JMY: variants seen among roughly 807,000 people sequenced by gnomAD.
The protein encoded by JMY is junction-mediating and -regulatory protein.
A neutral mutation model predicts 103.3 loss-of-function variants in JMY; 46 were observed. That is an observed-to-expected ratio of 0.45 (90% CI 0.35 to 0.57). The LOEUF (loss-of-function observed/expected upper bound fraction) is 0.57, where lower values mean the gene tolerates loss of function less well. Among genes scored for constraint, JMY ranks in the 20% least tolerant of loss-of-function variants. JMY has a pLI of 0.00. For missense variants in JMY, 1,238 were observed against 1,255.2 expected (o/e 0.99, Z 0.21); for synonymous variants, 526 against 489.3 (o/e 1.07, Z -0.99).
intron 4 of JMY, among the ~76,000 whole-genome samples, chr5:79,296,493 T>A (rs894339037): frequency 1.3e-5 from 2 of 152,030 alleles, no homozygotes; most frequent in African/African-American, 4.8e-5. Flanking sequence ...TATGACCCTT[T>A]AAAAAAAAGA....
intron 1 of JMY, among the ~76,000 whole-genome samples, chr5:79,257,386 T>C (rs1156643809): frequency 1.3e-5 from 2 of 152,150 alleles, no homozygotes; most frequent in Non-Finnish European, 2.9e-5. Context: ...GCGGATTGCT[T>C]GAGTCCAAGA....
chr5:79,293,326 GA>G (rs1746476083), intron 4 of JMY, among the ~76,000 whole-genome samples: 1 of 151,824 alleles, frequency 6.6e-6, no homozygotes, highest in Non-Finnish European at 1.5e-5. Context: ...TGTTTGACTT[GA>G]AAGAATTAAC....
At chr5:79,310,034 G>T (rs1746999078) in intron 7 of JMY, among the ~76,000 whole-genome samples, 2 of 135,522 alleles carry the variant, frequency 1.5e-5, no homozygotes, top group South Asian at 2.6e-4. Context: ...GTAAAAATTA[G>T]TAAATCGATT....
intron 1 of JMY, among the ~76,000 whole-genome samples, chr5:79,259,963 TC>T (rs2112064355): frequency 6.6e-6 from 1 of 152,278 alleles, no homozygotes; most frequent in Admixed American, 6.5e-5. Flanking sequence ...CATATGCACA[TC>T]CTGGGCCCAC....
At chr5:79,259,823 G>A (rs1210989331) in intron 1 of JMY, among the ~76,000 whole-genome samples, 1 of 152,244 alleles carries the variant, frequency 6.6e-6, no homozygotes, top group Non-Finnish European at 1.5e-5. Flanking sequence ...GGGGCAAGGT[G>A]GGGCCTTCCC....
chr5:79,268,512 G>A (rs189553653), intron 1 of JMY, among the ~76,000 whole-genome samples: 1 of 151,694 alleles, frequency 6.6e-6, no homozygotes, highest in Non-Finnish European at 1.5e-5. Context: ...TCTTGAGATG[G>A]CGTCTCGCTC....
intron 3 of JMY, among the ~76,000 whole-genome samples, chr5:79,290,848 T>C (rs1349724731): frequency 1.3e-5 from 2 of 152,034 alleles, no homozygotes; most frequent in African/African-American, 4.8e-5. Context: ...TAGCCGGGCA[T>C]GGTGGTGGGT....
intron 9 of JMY, among the ~76,000 whole-genome samples, chr5:79,315,630 A>G (rs1017174649): frequency 6.6e-6 from 1 of 152,240 alleles, no homozygotes; most frequent in African/African-American, 2.4e-5. Context: ...TTAATTTTTA[A>G]AAACAAAATG....
intron 4 of JMY, among the ~76,000 whole-genome samples, chr5:79,291,839 C>T (rs1162965681): frequency 6.6e-6 from 1 of 152,206 alleles, no homozygotes; most frequent in Non-Finnish European, 1.5e-5. Flanking sequence ...GGGCTGCCCT[C>T]ATTGGCTTGA....
At chr5:79,282,775 T>C (rs546830213) in intron 2 of JMY, among the ~76,000 whole-genome samples, 1 of 152,288 alleles carries the variant, frequency 6.6e-6, no homozygotes, top group African/African-American at 2.4e-5. Flanking sequence ...CCATTGATGG[T>C]TGCCAGAAAG....
intron 2 of JMY, among the ~76,000 whole-genome samples, chr5:79,280,963 A>G (rs913363729): frequency 2.0e-5 from 3 of 151,316 alleles, no homozygotes; most frequent in Non-Finnish European, 4.4e-5. Flanking sequence ...AGTATAATTG[A>G]TTAGCAAAGT....
chr5:79,315,965 C>G, intron 9 of JMY, 35 bp from the exon 10 acceptor site: 1 of 1,582,464 alleles, frequency 6.3e-7, no homozygotes, highest in Non-Finnish European at 8.6e-7. Context: ...AAGTGCAGTC[C>G]TAACTGTAAT....
In JMY at chr5:79,238,192, A is replaced by C. The variant is rs1160033629; in HGVS notation, c.1032+510A>C. On this transcript the variant is annotated intron_variant, in intron 1 of 10. Coordinates refer to ENST00000396137, the MANE Select transcript of JMY (RefSeq NM_152405.5). ...AAACGAGTGACCTAAGTGAAAAAGC[A>C]CCTAGTGACTATCGGATGCAAATTT... Among the ~76,000 whole-genome samples the C allele has an allele frequency of 3.9e-5, 6 of 152,106 alleles. No homozygotes were observed. In the East Asian group the frequency reaches 1.2e-3, roughly 29 times the overall value.
intron 1 of JMY, among the ~76,000 whole-genome samples, chr5:79,242,767 G>A (rs187863959): frequency 6.6e-6 from 1 of 150,760 alleles, no homozygotes; most frequent in Non-Finnish European, 1.5e-5. Flanking sequence ...TTAAAATGCA[G>A]TCAGTTCAAT....
In JMY at chr5:79,239,970, C is replaced by G. The variant is rs1160259737; in HGVS notation, c.1032+2288C>G. Among the ~76,000 whole-genome samples the G allele has an allele frequency of 2.0e-5, 3 of 151,748 alleles. No homozygotes were observed. In the East Asian group the frequency reaches 5.8e-4, roughly 29 times the overall value. ...AAAATGTGTTCCTAATTAAGGTTCT[C>G]TTGACCATAATGATTTATTTTCTTT... On this transcript the variant is annotated intron_variant, in intron 1 of 10. Coordinates refer to ENST00000396137, the MANE Select transcript of JMY (RefSeq NM_152405.5).
intron 3 of JMY, among the ~76,000 whole-genome samples, chr5:79,290,697 A>C (rs1166370835): frequency 6.6e-6 from 1 of 152,200 alleles, no homozygotes; most frequent in African/African-American, 2.4e-5. Context: ...ATTATGTTTT[A>C]GAAATGTCGG....
At chr5:79,263,993 G>T (rs570341695) in intron 1 of JMY, among the ~76,000 whole-genome samples, 1 of 151,318 alleles carries the variant, frequency 6.6e-6, no homozygotes, top group African/African-American at 2.4e-5. Context: ...CACCATGTTG[G>T]CCAGGCTGGT....
chr5:79,300,329 C>A lies in JMY; in HGVS notation c.1693+11C>A, dbSNP rs764521817. On this transcript the variant is annotated intron_variant, in intron 5 of 10. Transcript: ENST00000396137. ...AAAGACTTATATCAGGTATGGCGTG[C>A]ATTTAACCACATAAGTTCACCAAAG... 2 of 1,499,958 alleles carry A rather than the reference C, an allele frequency of 1.3e-6. No homozygotes were observed. Among genetic ancestry groups the A allele is most frequent in the South Asian group, 2.8e-5 (2 of 71,988 alleles). The allele number at this position is 1,499,958 out of a possible 1,614,324, so 92.9% of individuals were successfully genotyped here.
chr5:79,325,198 C>T lies in JMY; in HGVS notation c.*3596C>T, dbSNP rs1238352266. ...ATAAATTTAAGTCAATGCTTTTAGC[C>T]TAGGCAAAGCTAAATACAAGGTTTT... On this transcript the variant is annotated 3_prime_UTR_variant, in exon 11 of 11. Coordinates refer to ENST00000396137, the MANE Select transcript of JMY (RefSeq NM_152405.5). The T allele has an allele frequency of 6.6e-6, 1 of 152,182 alleles. No homozygotes were observed. The highest frequency in any genetic ancestry group is 2.4e-5 in the African/African-American group (1 of 41,438). 9.4% of individuals were successfully genotyped at this position (152,182 alleles called of 1,614,324 possible).
Sources: allele counts gnomAD v4.1 joint callset (sites outside exome capture counted in the v4.1 genomes callset), GRCh38; gene constraint gnomAD v4.1.1; transcripts MANE v1.5; gene names NCBI Gene and HGNC (gene_info 2026-07-23, HGNC 2026-07-21).